Variants in KCNIP4 observed in about 807,000 individuals in gnomAD.
KCNIP4 encodes potassium voltage-gated channel interacting protein 4, also known as Kv channel-interacting protein 4.
A neutral mutation model predicts 34.0 loss-of-function variants in KCNIP4; 12 were observed. The ratio of observed to expected loss-of-function variants is 0.35; its 90% CI spans 0.23 to 0.57. The LOEUF (loss-of-function observed/expected upper bound fraction) is 0.57, where lower values mean the gene tolerates loss of function less well. KCNIP4 is among the 20% of genes least tolerant of loss of function. The probability of loss-of-function intolerance (pLI) is 0.83; values close to 1 mark genes in which losing one functional copy is unlikely to be tolerated. For synonymous variants in KCNIP4, 124 were observed against 102.2 expected, an observed-to-expected ratio of 1.21 and a Z score of -1.29; for missense variants, 238 against 311.7, an observed-to-expected ratio of 0.76 and a Z score of 1.78.
chr4:21,176,741 G>A (rs559493145), intron 1 of KCNIP4, among the ~76,000 whole-genome samples: 8 of 152,182 alleles, frequency 5.3e-5, no homozygotes, highest in African/African-American at 4.8e-5. Flanking sequence ...GGCTCCTCTC[G>A]AACTCCTGAC....
At chr4:21,072,758 C>G (rs979104020) in intron 1 of KCNIP4, among the ~76,000 whole-genome samples, 1 of 152,066 alleles carries the variant, frequency 6.6e-6, no homozygotes, top group Admixed American at 6.6e-5. Context: ...AGGTTTTCTC[C>G]TAGGGTTTTT....
intron 1 of KCNIP4, among the ~76,000 whole-genome samples, chr4:21,450,692 T>A (rs1413982478): frequency 6.6e-6 from 1 of 152,162 alleles, no homozygotes. Flanking sequence ...AACCTGATAG[T>A]TCAATGGATT....
chr4:21,487,361 T>C (rs968756513), intron 1 of KCNIP4, among the ~76,000 whole-genome samples: 17 of 152,162 alleles, frequency 1.1e-4, no homozygotes, highest in African/African-American at 4.1e-4. Flanking sequence ...TTTGGGAAGA[T>C]GAATGCAGAA....
chr4:21,095,187 T>A (rs1472740150), intron 1 of KCNIP4, among the ~76,000 whole-genome samples: 7 of 152,206 alleles, frequency 4.6e-5, no homozygotes, highest in Non-Finnish European at 1.0e-4. Flanking sequence ...CATAAATGTA[T>A]GCATGTGTGA....
At chr4:21,318,099 A>T (rs1207926672) in intron 1 of KCNIP4, among the ~76,000 whole-genome samples, 1 of 151,000 alleles carries the variant, frequency 6.6e-6, no homozygotes, top group Non-Finnish European at 1.5e-5. Flanking sequence ...TCAGACTCAA[A>T]CTTTCCAAAC....
chr4:21,424,063 C>T (rs1015084606), intron 1 of KCNIP4, among the ~76,000 whole-genome samples: 33 of 151,112 alleles, frequency 2.2e-4, no homozygotes, highest in Non-Finnish European at 7.4e-5. Flanking sequence ...TCATGATCCA[C>T]CCGCCTTGGC....
chr4:21,476,663 G>A (rs746101589), intron 1 of KCNIP4, among the ~76,000 whole-genome samples: 3 of 152,114 alleles, frequency 2.0e-5, no homozygotes, highest in South Asian at 4.1e-4. Flanking sequence ...TAAATATTAA[G>A]ACTCCAAATC....
intron 1 of KCNIP4, among the ~76,000 whole-genome samples, chr4:21,042,372 C>A (rs538867968): frequency 6.6e-6 from 1 of 152,268 alleles, no homozygotes; most frequent in East Asian, 1.9e-4. Flanking sequence ...AATTAAAGTT[C>A]TGTCATTTGT....
intron 1 of KCNIP4, among the ~76,000 whole-genome samples, chr4:21,362,280 T>G (rs73102158): frequency 0.055 from 8,371 of 152,162 alleles, 348 homozygotes; most frequent in African/African-American, 0.11. Context: ...AGCCGCAGAA[T>G]AGCCAAGAAG....
At chr4:21,026,646 T>C (rs1035179742) in intron 1 of KCNIP4, among the ~76,000 whole-genome samples, 1 of 152,208 alleles carries the variant, frequency 6.6e-6, no homozygotes, top group East Asian at 1.9e-4. Context: ...CAGAGCAAGA[T>C]ACTGTCTCAA....
chr4:21,086,909 C>T (rs1477441546), intron 1 of KCNIP4, among the ~76,000 whole-genome samples: 2 of 150,792 alleles, frequency 1.3e-5, no homozygotes, highest in African/African-American at 2.4e-5. Flanking sequence ...TTCTCCCTCT[C>T]TTTCCCTCTT....
intron 1 of KCNIP4, among the ~76,000 whole-genome samples, chr4:21,761,308 T>C (rs1326359688): frequency 6.6e-6 from 1 of 152,130 alleles, no homozygotes; most frequent in Non-Finnish European, 1.5e-5. Context: ...TACTAAGGTG[T>C]GATAGACAGT....
At chr4:20,894,124 G>A (rs543660791) in intron 1 of KCNIP4, among the ~76,000 whole-genome samples, 76 of 151,918 alleles carry the variant, frequency 5.0e-4, no homozygotes, top group South Asian at 2.5e-3. Flanking sequence ...CAAGTGATCC[G>A]CACACCTCGG....
At chr4:21,120,127 A>G (rs1418191853) in intron 1 of KCNIP4, among the ~76,000 whole-genome samples, 1 of 152,212 alleles carries the variant, frequency 6.6e-6, no homozygotes, top group Non-Finnish European at 1.5e-5. Flanking sequence ...GTTTCTAGAC[A>G]TCGGGAAATC....
chr4:21,719,314 C>G (rs1714617317), intron 1 of KCNIP4, among the ~76,000 whole-genome samples: 1 of 152,066 alleles, frequency 6.6e-6, no homozygotes, highest in African/African-American at 2.4e-5. Context: ...ATAGAGGAGT[C>G]AATTTAAATT....
At chr4:21,681,963 A>T (rs932912434) in intron 1 of KCNIP4, among the ~76,000 whole-genome samples, 1 of 151,772 alleles carries the variant, frequency 6.6e-6, no homozygotes, top group Non-Finnish European at 1.5e-5. Flanking sequence ...GCCTTGGCTC[A>T]TCACAACCTC....
chr4:21,136,143 C>T lies in KCNIP4; in HGVS notation c.62-253434G>A, dbSNP rs147430015. Among the ~76,000 whole-genome samples, 708 of 152,244 alleles carry T rather than the reference C, an allele frequency of 4.7e-3. 7 individuals are homozygous for T. The highest frequency in any genetic ancestry group is 0.016 in the African/African-American group (670 of 41,552). ...AAAGTAATGTCTTAAATTTTCTGAG[C>T]CTTGAAATGTTTCCGGATGCTTGCC... On this transcript the variant is annotated intron_variant, in intron 1 of 8. Transcript: ENST00000382152.
intron 1 of KCNIP4, among the ~76,000 whole-genome samples, chr4:21,820,316 TATATATATAC>T (rs1434072476): frequency 2.8e-3 from 289 of 103,756 alleles, no homozygotes; most frequent in African/African-American, 8.2e-3. Context: ...TATATATATA[TATATATATAC>T]ATATATACAC....
intron 1 of KCNIP4, among the ~76,000 whole-genome samples, chr4:21,055,554 G>A (rs547039925): frequency 6.6e-6 from 1 of 152,242 alleles, no homozygotes; most frequent in Non-Finnish European, 1.5e-5. Flanking sequence ...AAGTACAAAG[G>A]TGGTACATAC....
Sources: allele counts gnomAD v4.1 joint callset (sites outside exome capture counted in the v4.1 genomes callset), GRCh38; gene constraint gnomAD v4.1.1; transcripts MANE v1.5; gene names NCBI Gene and HGNC (gene_info 2026-07-23, HGNC 2026-07-21).